The following PCOLCE variants were observed in gnomAD, a reference collection of about 807,000 sequenced individuals.
PCOLCE encodes the protein procollagen C-endopeptidase enhancer 1.
In PCOLCE, 33 loss-of-function variants were observed where a neutral mutation model predicts 47.2. That is an observed-to-expected ratio of 0.70 (90% CI 0.53 to 0.93). The LOEUF (loss-of-function observed/expected upper bound fraction) is 0.93, where lower values mean the gene tolerates loss of function less well. PCOLCE is among the 40% of genes least tolerant of loss of function. The pLI is 0.00. For synonymous variants in PCOLCE, 254 were observed against 252.5 expected, an observed-to-expected ratio of 1.01 and a Z score of -0.06; for missense variants, 584 against 585.3, an observed-to-expected ratio of 1.00 and a Z score of 0.02.
intron 2 of PCOLCE, 69 bp downstream of exon 2, chr7:100,603,607 A>ACCCCCCCCCCTC: frequency 1.8e-6 from 1 of 543,272 alleles, no homozygotes; most frequent in Non-Finnish European, 3.2e-6. Context: ...CTGCGAAGGG[A>ACCCCCCCCCCTC]CCCCCCCCCC....
rs1384322507 is a variant in PCOLCE at position 100,604,825 on chromosome 7, A to T, written c.464-266A>T. ...GGCGCGGTGCGGCCGCGGGTCGGGG[A>T]GGGGCCAGAAGGGGGCGTCCAGCCA... On this transcript the variant is annotated intron_variant, in intron 3 of 8. Coordinates refer to ENST00000223061, the MANE Select transcript of PCOLCE (RefSeq NM_002593.4). This position sits in a 1 kb window ranked among gnomAD's most constrained non-coding sequence, Gnocchi z 6.4. 2.1e-6 allele frequency: 1 copy of T among 477,654 alleles called. No homozygotes were observed. The highest frequency in any genetic ancestry group is 3.5e-5 in the East Asian group (1 of 28,262). The allele number at this position is 477,654 out of a possible 1,614,324, so 29.6% of individuals were successfully genotyped here.
chr7:100,605,239 G>C lies in PCOLCE; in HGVS notation c.588+24G>C, dbSNP rs1802693451. The C allele has an allele frequency of 6.3e-7, 1 of 1,595,062 alleles. No homozygotes were observed. The highest frequency in any genetic ancestry group is 8.6e-7 in the Non-Finnish European group (1 of 1,166,718). On this transcript the variant is annotated intron_variant, in intron 4 of 8. Coordinates refer to ENST00000223061, the MANE Select transcript of PCOLCE (RefSeq NM_002593.4). This position sits in a 1 kb window ranked among gnomAD's most constrained non-coding sequence, Gnocchi z 6.1. ...AGGTACCGACCCTCCTCCCCGGGCT[G>C]CCCTAGGGGACCCAGGCGGCGCCCT...
At position 100,605,167 on chromosome 7, in the gene PCOLCE, C is replaced by G; in HGVS notation, c.540C>G (p.Tyr180Ter). 2.5e-6 allele frequency: 4 copies of G among 1,612,168 alleles called. No homozygotes were observed. Among genetic ancestry groups the G allele is most frequent in the Non-Finnish European group, 3.4e-6 (4 of 1,178,918 alleles). ...LTTPNWPESD[Y>*]PPGISCSWHI... ...CGCCCAACTGGCCCGAGTCCGATTA[C>G]CCCCCGGGCATCAGCTGTTCCTGGC... Residue 180 changes from tyrosine (Y) to a stop codon, truncating the protein, a stop_gained, in exon 4 of 9, where the codon TAC becomes TAG. Transcript: ENST00000223061. LOFTEE classifies it high-confidence loss of function. The surrounding 1 kb of genome is among the most constrained non-coding windows in gnomAD (Gnocchi z 6.1).
At chr7:100,603,626 C>A (rs1432254286) in intron 2 of PCOLCE, 88 bp downstream of exon 2, 2 of 632,380 alleles carry the variant, frequency 3.2e-6, no homozygotes, top group Non-Finnish European at 5.6e-6. Flanking sequence ...CCGTCCCCCC[C>A]GCACCACCTT....
rs1802686802 is a variant in PCOLCE at position 100,604,993 on chromosome 7, A to T, written c.464-98A>T. 7 of 802,986 alleles carry T rather than the reference A, an allele frequency of 8.7e-6. No homozygotes were observed. The Admixed American group carries it at 1.5e-4, about 17-fold the overall frequency. 49.7% of individuals were successfully genotyped at this position (802,986 alleles called of 1,614,324 possible). On this transcript the variant is annotated intron_variant, in intron 3 of 8. Transcript: ENST00000223061. The surrounding 1 kb of genome is among the most constrained non-coding windows in gnomAD (Gnocchi z 6.4). The stretch of plus-strand genomic sequence containing the variant: ...CGTCCCCTCATCCTGAGCCCCAGAC[A>T]TCCGAGCTGCCTGCCGGGGCTCCCA...
chr7:100,602,672 C>T (rs1485279835), intron 1 of PCOLCE, 121 bp downstream of exon 1: 4 of 695,058 alleles, frequency 5.8e-6, no homozygotes, highest in African/African-American at 3.5e-5. Flanking sequence ...GATTCCCCAC[C>T]GCCTCACCCT....
In PCOLCE at chr7:100,605,832, C is replaced by A. The variant is rs1164015398; in HGVS notation, c.725+20C>A. On this transcript the variant is annotated intron_variant, in intron 5 of 8. Transcript: ENST00000223061. This position sits in a 1 kb window ranked among gnomAD's most constrained non-coding sequence, Gnocchi z 6.1. ...CCCGGGGTGAGGGGCGGGACCTGGG[C>A]GAGTCCGGGAGAGAGTCGGCGGACC... 3 of 1,548,198 alleles carry A rather than the reference C, an allele frequency of 1.9e-6. No homozygotes were observed. Among genetic ancestry groups the A allele is most frequent in the South Asian group, 2.4e-5 (2 of 83,954 alleles).
Position 100,603,447 on chromosome 7 carries a change from G to C in PCOLCE, c.113G>C (p.Gly38Ala). The C allele has an allele frequency of 6.2e-7, 1 of 1,603,888 alleles. No homozygotes were observed. The highest frequency in any genetic ancestry group is 8.5e-7 in the Non-Finnish European group (1 of 1,174,062). ...PNYTRPVFLC[G>A]GDVKGESGYV... ...TTCTCCAGACCCGTGTTCCTGTGCG[G>C]AGGGGATGTGAAGGGGGAATCAGGT... The change falls in exon 2 of 9, where the codon GGA becomes GCA. Residue 38 changes from glycine (G) to alanine (A), a missense_variant. Gly to Ala is a moderately conservative substitution (Grantham distance 60). Coordinates refer to ENST00000223061, the MANE Select transcript of PCOLCE (RefSeq NM_002593.4).
Position 100,604,429 on chromosome 7 carries a change from GC to G in PCOLCE, c.463+220del, listed in dbSNP as rs773784338. ...CGCACCCACCCATCCCTCTTCCAGG[GC>G]CCCCCCCAGGCGCGAGGCGGAAATG... is the stretch of plus-strand genomic sequence containing the variant. On this transcript the variant is annotated intron_variant, in intron 3 of 8. Transcript: ENST00000223061. The surrounding 1 kb of genome is among the most constrained non-coding windows in gnomAD (Gnocchi z 6.4). The G allele has an allele frequency of 2.0e-4, 125 of 623,306 alleles. No homozygotes were observed. The highest frequency in any genetic ancestry group is 3.4e-4 in the South Asian group (18 of 53,710). The allele number at this position is 623,306 out of a possible 1,614,324, so 38.6% of individuals were successfully genotyped here.
chr7:100,604,584 T>C lies in PCOLCE; in HGVS notation c.463+367T>C. 1 of 376,672 alleles carries C rather than the reference T, an allele frequency of 2.7e-6. No individual in the cohort carries two copies. The highest frequency in any genetic ancestry group is 5.0e-6 in the Non-Finnish European group (1 of 199,618). The allele number at this position is 376,672 out of a possible 1,614,324, so 23.3% of individuals were successfully genotyped here. A position where few individuals can be genotyped will look rare whatever the true frequency, so the allele number is the denominator to read the frequency against. ...GCACCCCAGGGCTGGGGGGACTAGGTTCCTCCAACCCCGGGGGGCCCCTAC... is the reference window on the plus strand; with the variant it reads ...GCACCCCAGGGCTGGGGGGACTAGGCTCCTCCAACCCCGGGGGGCCCCTAC... On this transcript the variant is annotated intron_variant, in intron 3 of 8. Transcript: ENST00000223061. The surrounding 1 kb of genome is among the most constrained non-coding windows in gnomAD (Gnocchi z 6.4).
Position 100,605,214 on chromosome 7 carries a change from A to T in PCOLCE, c.587A>T (p.Gln196Leu), listed in dbSNP as rs1375603149. Residue 196 changes from glutamine (Q) to leucine (L), a missense_variant and splice_region_variant, in exon 4 of 9, where the codon CAG becomes CTG. Physicochemically the swap from Gln to Leu is moderately radical, Grantham distance 113. Transcript: ENST00000223061. This position sits in a 1 kb window ranked among gnomAD's most constrained non-coding sequence, Gnocchi z 6.1. ...TGGCACATCATCGCGCCCCCGGACC[A>T]GGTACCGACCCTCCTCCCCGGGCTG... The part of the protein sequence containing the change: ...CSWHIIAPPD[Q>L]VIALTFEKFD... 1 of 1,611,104 alleles carries T rather than the reference A, an allele frequency of 6.2e-7. No homozygotes were observed. The highest frequency in any genetic ancestry group is 2.2e-5 in the East Asian group (1 of 44,798).
At position 100,604,312 on chromosome 7, in the gene PCOLCE, G is replaced by A. The variant is rs1204291958; in HGVS notation, c.463+95G>A. 3.6e-5 allele frequency: 40 copies of A among 1,099,222 alleles called. No individual in the cohort carries two copies. In the East Asian group the frequency reaches 5.5e-4, roughly 15 times the overall value. The allele number at this position is 1,099,222 out of a possible 1,614,324, so 68.1% of individuals were successfully genotyped here. On this transcript the variant is annotated intron_variant, in intron 3 of 8. Transcript: ENST00000223061. This position sits in a 1 kb window ranked among gnomAD's most constrained non-coding sequence, Gnocchi z 6.4. ...CTAACCTCCGCCCCGCCCACCCCGCGCCCCAGTGCCTAGGGCCCCCTACCT... is the reference window on the plus strand; with the variant it reads ...CTAACCTCCGCCCCGCCCACCCCGCACCCCAGTGCCTAGGGCCCCCTACCT...
At chr7:100,603,388 C>T in intron 1 of PCOLCE, 42 bp from the exon 2 acceptor site, 1 of 1,028,354 alleles carries the variant, frequency 9.7e-7, no homozygotes, top group Non-Finnish European at 1.5e-6. Context: ...TCCCCCGTCC[C>T]ACCCGTCCCT....
At position 100,607,622 on chromosome 7, in the gene PCOLCE, C is replaced by T; in HGVS notation, c.1013-15C>T. 6.2e-7 allele frequency: 1 copy of T among 1,613,364 alleles called. No homozygotes were observed. Among genetic ancestry groups the T allele is most frequent in the Non-Finnish European group, 8.5e-7 (1 of 1,179,326 alleles). ...ACCTCCCATCTCCTCATCTCTCACT[C>T]CCATTCTCCCACAGTGGTGACTGCG... On this transcript the variant is annotated splice_polypyrimidine_tract_variant and intron_variant, in intron 7 of 8. Transcript: ENST00000223061.
Position 100,604,865 on chromosome 7 carries a change from TTCCACCG to T in PCOLCE, c.464-225_464-219del. ...GCGTCCAGCCAGTTCCTCCTCCCGC[TTCCACCG>T]CCCGCCAGTGCGCCCTGCGGCCCCA... On this transcript the variant is annotated intron_variant, in intron 3 of 8. Transcript: ENST00000223061. This position sits in a 1 kb window ranked among gnomAD's most constrained non-coding sequence, Gnocchi z 6.4. The T allele has an allele frequency of 1.9e-6, 1 of 518,122 alleles. No individual in the cohort carries two copies. Among genetic ancestry groups the T allele is most frequent in the Non-Finnish European group, 3.5e-6 (1 of 289,098 alleles). The allele number at this position is 518,122 out of a possible 1,614,324, so 32.1% of individuals were successfully genotyped here.
At position 100,604,688 on chromosome 7, in the gene PCOLCE, G is replaced by C. The variant is rs1584440918; in HGVS notation, c.464-403G>C. 2 of 320,712 alleles carry C rather than the reference G, an allele frequency of 6.2e-6. No homozygotes were observed. The highest frequency in any genetic ancestry group is 4.8e-5 in the Admixed American group (1 of 20,642). The allele number at this position is 320,712 out of a possible 1,614,324, so 19.9% of individuals were successfully genotyped here. On this transcript the variant is annotated intron_variant, in intron 3 of 8. Transcript: ENST00000223061. The surrounding 1 kb of genome is among the most constrained non-coding windows in gnomAD (Gnocchi z 6.4). ...GTCTCCCTTGCAATGTTTCAGGCGG[G>C]GACCTCCCTAAAGGGGTCCTCGGGG...
chr7:100,605,144 C>T lies in PCOLCE; in HGVS notation c.517C>T (p.Pro173Ser), dbSNP rs1198691645. 9 of 1,613,022 alleles carry T rather than the reference C, an allele frequency of 5.6e-6. No individual in the cohort carries two copies. The highest frequency in any genetic ancestry group is 7.6e-6 in the Non-Finnish European group (9 of 1,179,652). Residue 173 changes from proline (P) to serine (S), a missense_variant, in exon 4 of 9, where the codon CCC becomes TCC. Physicochemically the swap from Pro to Ser is moderately conservative, Grantham distance 74. Coordinates refer to ENST00000223061, the MANE Select transcript of PCOLCE (RefSeq NM_002593.4). The surrounding 1 kb of genome is among the most constrained non-coding windows in gnomAD (Gnocchi z 6.1). ...LEKAQGTLTT[P>S]NWPESDYPPG... is the part of the protein sequence containing the mutation. ...GAAGGCCCAGGGAACCCTGACCACGCCCAACTGGCCCGAGTCCGATTACCC... is the reference window on the plus strand; with the variant it reads ...GAAGGCCCAGGGAACCCTGACCACGTCCAACTGGCCCGAGTCCGATTACCC...
chr7:100,607,556 C>T (rs376418472), intron 7 of PCOLCE, 33 bp downstream of exon 7: 49 of 1,610,944 alleles, frequency 3.0e-5, no homozygotes, highest in Middle Eastern at 3.3e-4. Flanking sequence ...TCCAGCTCCT[C>T]GAACCACCTC....
Position 100,602,412 on chromosome 7 carries a change from C to A in PCOLCE, c.-45C>A. ...GCTGCTGCTGCTCTGCAAAATTCAGCTGCTGCCTCTGTCTTGAGGACCCCA... is the reference window on the plus strand; with the variant it reads ...GCTGCTGCTGCTCTGCAAAATTCAGATGCTGCCTCTGTCTTGAGGACCCCA... On this transcript the variant is annotated 5_prime_UTR_variant, in exon 1 of 9. The change creates a new upstream start codon in the 5' untranslated region. Coordinates refer to ENST00000223061, the MANE Select transcript of PCOLCE (RefSeq NM_002593.4). 7.8e-7 allele frequency: 1 copy of A among 1,283,428 alleles called. No individual in the cohort carries two copies. The highest frequency in any genetic ancestry group is 1.1e-6 in the Non-Finnish European group (1 of 883,510). 79.5% of individuals were successfully genotyped at this position (1,283,428 alleles called of 1,614,324 possible). A position where few individuals can be genotyped will look rare whatever the true frequency, so the allele number is the denominator to read the frequency against.
Sources: allele counts gnomAD v4.1 joint callset, GRCh38; gene constraint gnomAD v4.1.1; non-coding constraint Gnocchi (gnomAD v3.1); transcripts MANE v1.5; gene names NCBI Gene and HGNC (gene_info 2026-07-23, HGNC 2026-07-21).